Variants in HTR1F observed in about 807,000 individuals in gnomAD.
HTR1F encodes the protein 5-hydroxytryptamine receptor 1F.
HTR1F carries 17 observed loss-of-function variants against 24.0 expected under a neutral mutation model. The observed-to-expected ratio is 0.71, with a 90% CI of 0.48 to 1.06. The LOEUF (loss-of-function observed/expected upper bound fraction) is 1.06, where lower values mean the gene tolerates loss of function less well. Ranked by LOEUF, HTR1F falls within the 50% of genes least tolerant of loss-of-function variation. HTR1F has a pLI of 0.00. For missense variants in HTR1F, 391 were observed against 427.8 expected (o/e 0.91, Z 0.76); for synonymous variants, 186 against 156.8 (o/e 1.19, Z -1.39).
intron 2 of HTR1F, among the ~76,000 whole-genome samples, chr3:87,839,176 G>C (rs1457420598): frequency 6.6e-6 from 1 of 151,418 alleles, no homozygotes; most frequent in Non-Finnish European, 1.5e-5. Context: ...TGTTTTTTAT[G>C]TTTTTTTCCA....
chr3:87,916,794 TAGACAGGTCATCA>T (rs1559630508), intron 2 of HTR1F, among the ~76,000 whole-genome samples: 1 of 152,060 alleles, frequency 6.6e-6, no homozygotes, highest in African/African-American at 2.4e-5. Context: ...CTGACAGCAC[TAGACAGGTCATCA>T]AGACAGAAAG....
intron 2 of HTR1F, among the ~76,000 whole-genome samples, chr3:87,885,972 C>T (rs1383020920): frequency 2.6e-5 from 4 of 152,150 alleles, no homozygotes; most frequent in African/African-American, 4.8e-5. Context: ...AAGAGGGAAT[C>T]CTCCCTAACT....
rs557656165 is a variant in HTR1F, at chr3:87,993,621, G to C, written c.*1771G>C. 19 of 167,024 alleles carry C rather than the reference G, an allele frequency of 1.1e-4. No individual in the cohort carries two copies. The Admixed American group carries it at 1.2e-3, about 11-fold the overall frequency. The allele number at this position is 167,024 out of a possible 1,614,324, so 10.3% of individuals were successfully genotyped here. ...AACATCAGGATACAAACTGCACCAT[G>C]CAAGTATTTGGTGGGGCATGTTCAT... On this transcript the variant is annotated 3_prime_UTR_variant, in exon 3 of 3. Coordinates refer to ENST00000319595, the MANE Select transcript of HTR1F (RefSeq NM_001322209.2).
intron 1 of HTR1F, among the ~76,000 whole-genome samples, chr3:87,807,121 T>C (rs983704298): frequency 1.3e-5 from 2 of 151,890 alleles, no homozygotes; most frequent in Non-Finnish European, 1.5e-5. Flanking sequence ...GCTCTTTTAG[T>C]TTCCACACAA....
chr3:87,811,969 A>T (rs1403269543), intron 1 of HTR1F, among the ~76,000 whole-genome samples: 1 of 152,108 alleles, frequency 6.6e-6, no homozygotes, highest in Non-Finnish European at 1.5e-5. Flanking sequence ...CATCTTTCAT[A>T]TGCACTCTCA....
intron 2 of HTR1F, among the ~76,000 whole-genome samples, chr3:87,856,059 G>A (rs1433799263): frequency 6.6e-6 from 1 of 152,006 alleles, no homozygotes. Flanking sequence ...TTTCAAGGTT[G>A]CTAAGATGTA....
intron 2 of HTR1F, among the ~76,000 whole-genome samples, chr3:87,847,625 C>T (rs1704974705): frequency 6.6e-6 from 1 of 151,840 alleles, no homozygotes; most frequent in Non-Finnish European, 1.5e-5. Context: ...TATCAAAACA[C>T]TAGAACTTAT....
chr3:87,796,311 G>T (rs1219118143), intron 1 of HTR1F, among the ~76,000 whole-genome samples: 2 of 151,990 alleles, frequency 1.3e-5, no homozygotes, highest in Non-Finnish European at 2.9e-5. Flanking sequence ...AAATGCAGTT[G>T]TCACCAACTG....
At chr3:87,987,016 G>A (rs1705676601) in intron 2 of HTR1F, among the ~76,000 whole-genome samples, 1 of 152,012 alleles carries the variant, frequency 6.6e-6, no homozygotes, top group Non-Finnish European at 1.5e-5. Context: ...TGAGGCACAA[G>A]AATTGCTTGA....
At chr3:87,897,125 T>G (rs574237091) in intron 2 of HTR1F, among the ~76,000 whole-genome samples, 147 of 151,886 alleles carry the variant, frequency 9.7e-4, no homozygotes, top group African/African-American at 3.5e-3. Flanking sequence ...CATTGCAACA[T>G]TATTCACAAT....
rs73844803 is a variant in HTR1F at position 87,993,351 on chromosome 3, G to A, written c.*1501G>A. 2 of 165,636 alleles carry A rather than the reference G, an allele frequency of 1.2e-5. No individual in the cohort carries two copies. The highest frequency in any genetic ancestry group is 4.2e-4 in the South Asian group (2 of 4,762). 10.3% of individuals were successfully genotyped at this position (165,636 alleles called of 1,614,324 possible). A position where few individuals can be genotyped will look rare whatever the true frequency, so the allele number is the denominator to read the frequency against. On this transcript the variant is annotated 3_prime_UTR_variant, in exon 3 of 3. Transcript: ENST00000319595. ...AAGATATACGAAATAATAAAATACA[G>A]TTTTTTTTCCTGAATATGTTTACAG...
intron 1 of HTR1F, among the ~76,000 whole-genome samples, chr3:87,806,329 T>A (rs1449351533): frequency 6.6e-6 from 1 of 152,102 alleles, no homozygotes; most frequent in Non-Finnish European, 1.5e-5. Flanking sequence ...TTTTCCATAG[T>A]GGCTATACTA....
chr3:87,928,428 A>G (rs1241431978), intron 2 of HTR1F, among the ~76,000 whole-genome samples: 1 of 152,208 alleles, frequency 6.6e-6, no homozygotes, highest in East Asian at 1.9e-4. Context: ...AGCATTTCTA[A>G]GTAATAGTAT....
At chr3:87,940,383 G>A (rs1704539834) in intron 2 of HTR1F, among the ~76,000 whole-genome samples, 1 of 152,144 alleles carries the variant, frequency 6.6e-6, no homozygotes, top group South Asian at 2.1e-4. Context: ...CAAATCATAA[G>A]TGCATTCCCA....
chr3:87,810,327 C>T (rs1444624830), intron 1 of HTR1F, among the ~76,000 whole-genome samples: 1 of 152,056 alleles, frequency 6.6e-6, no homozygotes, highest in Non-Finnish European at 1.5e-5. Flanking sequence ...TTGTTCATTC[C>T]ATTTGATGTT....
intron 2 of HTR1F, among the ~76,000 whole-genome samples, chr3:87,938,220 A>G (rs1704475920): frequency 1.3e-5 from 2 of 152,236 alleles, no homozygotes; most frequent in African/African-American, 4.8e-5. Flanking sequence ...ACCTAGGAAT[A>G]CAGCTAACTA....
chr3:87,986,812 AC>A (rs1247550261), intron 2 of HTR1F, among the ~76,000 whole-genome samples: 12 of 152,178 alleles, frequency 7.9e-5, no homozygotes, highest in African/African-American at 2.7e-4. Flanking sequence ...CACTAAATAA[AC>A]ACCATTGCAG....
chr3:87,945,570 C>T (rs1392157171), intron 2 of HTR1F, among the ~76,000 whole-genome samples: 1 of 152,150 alleles, frequency 6.6e-6, no homozygotes, highest in Non-Finnish European at 1.5e-5. Flanking sequence ...TTCAGGATGA[C>T]AGCTTTCTGC....
At chr3:87,974,927 G>A (rs1219093656) in intron 2 of HTR1F, among the ~76,000 whole-genome samples, 1 of 152,092 alleles carries the variant, frequency 6.6e-6, no homozygotes, top group Non-Finnish European at 1.5e-5. Context: ...CCATTCAGAT[G>A]ACAGTTCAGA....
Sources: gnomAD v4.1 joint callset for allele counts (sites outside exome capture counted in the v4.1 genomes callset) on GRCh38, gnomAD v4.1.1 for gene constraint, MANE v1.5 for transcripts, NCBI Gene and HGNC (gene_info 2026-07-23, HGNC 2026-07-21) for gene names.